The following PTK2B variants were observed in gnomAD, a reference collection of about 807,000 sequenced individuals.
PTK2B encodes the protein protein-tyrosine kinase 2-beta.
PTK2B carries 71 observed loss-of-function variants against 142.9 expected under a neutral mutation model. That is an observed-to-expected ratio of 0.50 (90% CI 0.41 to 0.61). The LOEUF is 0.61. Ranked by LOEUF, PTK2B falls within the 20% of genes least tolerant of loss-of-function variation. The probability of loss-of-function intolerance (pLI) is 0.00; values close to 1 mark genes in which losing one functional copy is unlikely to be tolerated. For missense variants in PTK2B, 1,105 were observed against 1,320.4 expected (o/e 0.84, Z 2.53); for synonymous variants, 519 against 503.4 (o/e 1.03, Z -0.42).
In PTK2B at chr8:27,458,784, A is replaced by G. The variant is rs1278238278; in HGVS notation, c.*275A>G. On this transcript the variant is annotated 3_prime_UTR_variant, in exon 31 of 31. Transcript: ENST00000346049. ...CTGCCTGGCCACTGCTCCCTAAGCC[A>G]GCCTGGTCCATGCAGGGGGCTCCTG... 2 of 529,920 alleles carry G rather than the reference A, an allele frequency of 3.8e-6. No homozygotes were observed. Among genetic ancestry groups the G allele is most frequent in the Non-Finnish European group, 6.9e-6 (2 of 291,760 alleles). 32.8% of individuals were successfully genotyped at this position (529,920 alleles called of 1,614,324 possible).
intron 1 of PTK2B, among the ~76,000 whole-genome samples, chr8:27,383,852 A>ATTTTTTTTT (rs749255419): frequency 8.6e-6 from 1 of 116,592 alleles, no homozygotes. Flanking sequence ...CACCTGGCTA[A>ATTTTTTTTT]TTTTTTTTTT....
At chr8:27,437,016 C>A (rs1453857681) in intron 15 of PTK2B, 106 bp from the exon 16 acceptor site, 3 of 1,031,678 alleles carry the variant, frequency 2.9e-6, no homozygotes, top group Middle Eastern at 2.1e-4. Context: ...GAGAAAGGGC[C>A]CTTTCCTGGC....
chr8:27,323,887 A>G (rs1407282019), upstream of PTK2B, among the ~76,000 whole-genome samples: 2 of 152,198 alleles, frequency 1.3e-5, no homozygotes, highest in East Asian at 1.9e-4. Context: ...TCCCAGCAAG[A>G]TAAGATTGTA....
chr8:27,402,484 A>G (rs925537813), intron 2 of PTK2B, among the ~76,000 whole-genome samples: 6 of 152,226 alleles, frequency 3.9e-5, no homozygotes, highest in African/African-American at 1.2e-4. Context: ...GGTCAGTCCA[A>G]CCATCTGGTG....
At chr8:27,332,715 G>A (rs1356412379) in intron 1 of PTK2B, among the ~76,000 whole-genome samples, 1 of 152,086 alleles carries the variant, frequency 6.6e-6, no homozygotes, top group African/African-American at 2.4e-5. Flanking sequence ...CTGAGTAGCT[G>A]GGGCCACAGG....
intron 1 of PTK2B, among the ~76,000 whole-genome samples, chr8:27,358,319 T>C (rs901587460): frequency 3.9e-5 from 6 of 152,232 alleles, no homozygotes; most frequent in African/African-American, 1.4e-4. Context: ...GCAATACTTT[T>C]TGCATTTCTG....
At chr8:27,422,230 A>G in intron 4 of PTK2B, 74 bp from the exon 5 acceptor site, 1 of 1,422,324 alleles carries the variant, frequency 7.0e-7, no homozygotes, top group Non-Finnish European at 9.6e-7. Flanking sequence ...GAGGCCCTTA[A>G]TCTTCTGAGG....
At chr8:27,347,054 T>C (rs998880101) in intron 1 of PTK2B, among the ~76,000 whole-genome samples, 6 of 152,178 alleles carry the variant, frequency 3.9e-5, no homozygotes, top group Admixed American at 6.5e-5. Flanking sequence ...TCTCCACTTC[T>C]GGATCAATGA....
intron 1 of PTK2B, among the ~76,000 whole-genome samples, chr8:27,342,796 G>A (rs1054315756): frequency 1.3e-5 from 2 of 152,158 alleles, no homozygotes; most frequent in Non-Finnish European, 2.9e-5. Flanking sequence ...CTATAGTCCT[G>A]AGGATGGAGT....
intron 2 of PTK2B, among the ~76,000 whole-genome samples, chr8:27,409,854 G>T (rs1808948644): frequency 6.6e-6 from 1 of 152,096 alleles, no homozygotes; most frequent in African/African-American, 2.4e-5. Context: ...CCAAGTAGCT[G>T]GGTTTTATAG....
upstream of PTK2B, among the ~76,000 whole-genome samples, chr8:27,323,115 A>C (rs980167011): frequency 1.4e-4 from 21 of 152,260 alleles, no homozygotes; most frequent in Admixed American, 1.3e-3. Context: ...GAGAACCTGA[A>C]CCAGGATGGG....
chr8:27,428,796 A>G (rs921082647), intron 5 of PTK2B, among the ~76,000 whole-genome samples: 1 of 152,230 alleles, frequency 6.6e-6, no homozygotes, highest in African/African-American at 2.4e-5. Flanking sequence ...CTTAAGAGGT[A>G]ATTACTTATT....
chr8:27,330,301 G>A lies in PTK2B; in HGVS notation c.-38+4620G>A, dbSNP rs758887845. Among the ~76,000 whole-genome samples, 9 of 152,258 alleles carry A rather than the reference G, an allele frequency of 5.9e-5. No homozygotes were observed. The South Asian group carries it at 6.2e-4, about 11-fold the overall frequency. ...CACATATGGCCATATCTGAGCTGGC[G>A]GGGCAGCACCATTTATTTTTCCAGA... On this transcript the variant is annotated intron_variant, in intron 1 of 30. Coordinates refer to ENST00000346049, the MANE Select transcript of PTK2B (RefSeq NM_173176.3).
At chr8:27,358,555 TTTTAGG>T (rs1480644606) in intron 1 of PTK2B, among the ~76,000 whole-genome samples, 2 of 152,172 alleles carry the variant, frequency 1.3e-5, no homozygotes, top group Non-Finnish European at 2.9e-5. Context: ...GTCTTAATGT[TTTTAGG>T]TTTGCTTCTT....
At chr8:27,456,149 C>T (rs1452551807) in intron 30 of PTK2B, among the ~76,000 whole-genome samples, 3 of 152,222 alleles carry the variant, frequency 2.0e-5, no homozygotes, top group African/African-American at 7.2e-5. Context: ...TTTGTAAATA[C>T]CTCTTGAGCA....
chr8:27,430,783 C>G (rs1414644599), intron 7 of PTK2B, 93 bp from the exon 8 acceptor site: 9 of 1,496,124 alleles, frequency 6.0e-6, no homozygotes, highest in Non-Finnish European at 8.1e-6. Flanking sequence ...GGATCATTTT[C>G]GAGCAGTGGG....
rs1245165951 is a variant in PTK2B at position 27,430,161 on chromosome 8, T to C, written c.614+6T>C. 6.2e-7 allele frequency: 1 copy of C among 1,611,620 alleles called. No homozygotes were observed. The highest frequency in any genetic ancestry group is 8.5e-7 in the Non-Finnish European group (1 of 1,177,850). On this transcript the variant is annotated splice_donor_region_variant and intron_variant, in intron 6 of 30. Transcript: ENST00000346049. ...TCCAACTTCGAGCTCCTAGAGTAAG[T>C]TCTGGGATCACCCATCTCCCCTCCC... is the stretch of plus-strand genomic sequence containing the variant.
chr8:27,332,393 T>TA (rs573915003), intron 1 of PTK2B, among the ~76,000 whole-genome samples: 32 of 152,334 alleles, frequency 2.1e-4, no homozygotes, highest in African/African-American at 7.2e-4. Context: ...GGAAAAGTGA[T>TA]GAATTTGGGA....
At position 27,436,981 on chromosome 8, in the gene PTK2B, A is replaced by C. The variant is rs1810818165; in HGVS notation, c.1342-141A>C. ...GTGGAGAAGGAGAAGAGAGGAAGAC[A>C]AAGGGGAGAAGAAGAGAGACATAGG... On this transcript the variant is annotated intron_variant, in intron 15 of 30. Coordinates refer to ENST00000346049, the MANE Select transcript of PTK2B (RefSeq NM_173176.3). 7 of 754,200 alleles carry C rather than the reference A, an allele frequency of 9.3e-6. No individual in the cohort carries two copies. The East Asian group carries it at 1.5e-4, about 16-fold the overall frequency. The allele number at this position is 754,200 out of a possible 1,614,324, so 46.7% of individuals were successfully genotyped here.
Sources: gnomAD v4.1 joint callset for allele counts (sites outside exome capture counted in the v4.1 genomes callset) on GRCh38, gnomAD v4.1.1 for gene constraint, MANE v1.5 for transcripts, NCBI Gene and HGNC (gene_info 2026-07-23, HGNC 2026-07-21) for gene names.